The following KANSL1 variants were observed in gnomAD, a reference collection of about 807,000 sequenced individuals.
KANSL1 encodes MLL1/MLL complex subunit KANSL1.
Under a neutral mutation model 103.6 loss-of-function variants are expected in KANSL1, and 22 were observed. That is an observed-to-expected ratio of 0.21 (90% CI 0.15 to 0.30). KANSL1 has a LOEUF of 0.30. Ranked by LOEUF, KANSL1 falls within the 10% of genes least tolerant of loss-of-function variation. The pLI, the probability that KANSL1 is intolerant of heterozygous loss-of-function variation, is 1.00. For missense variants in KANSL1, 1,337 were observed against 1,399.8 expected (o/e 0.96, Z 0.72); for synonymous variants, 600 against 527.6 (o/e 1.14, Z -1.88).
At chr17:46,039,307 A>G (rs2077243896) in intron 8 of KANSL1, 92 bp from the exon 9 acceptor site, 17 of 1,189,842 alleles carry the variant, frequency 1.4e-5, no homozygotes, top group Non-Finnish European at 2.0e-5. Flanking sequence ...CTCTAGGCCA[A>G]CGCCGTATAC....
chr17:46,135,566 CAG>C (rs2044095056), intron 2 of KANSL1, among the ~76,000 whole-genome samples: 1 of 101,166 alleles, frequency 9.9e-6, no homozygotes, highest in Non-Finnish European at 2.4e-5. Flanking sequence ...TTTTTTGAGA[CAG>C]AGTCTCAACT....
chr17:46,149,331 A>G (rs2044941569), intron 2 of KANSL1, among the ~76,000 whole-genome samples: 1 of 152,204 alleles, frequency 6.6e-6, no homozygotes, highest in African/African-American at 2.4e-5. Flanking sequence ...GGCTATCACA[A>G]TTCTGGCCTT....
At chr17:46,218,475 G>T (rs1200676961) in intron 1 of KANSL1, among the ~76,000 whole-genome samples, 1 of 152,220 alleles carries the variant, frequency 6.6e-6, no homozygotes, top group African/African-American at 2.4e-5. Context: ...TGTATGAGGA[G>T]CTATTATTAA....
At chr17:46,063,075 C>T (rs1015468537) in intron 6 of KANSL1, among the ~76,000 whole-genome samples, 1 of 152,076 alleles carries the variant, frequency 6.6e-6, no homozygotes, top group African/African-American at 2.4e-5. Flanking sequence ...CAAAACAAAA[C>T]CTCAATGAGT....
intron 1 of KANSL1, among the ~76,000 whole-genome samples, chr17:46,205,767 A>G (rs1233896754): frequency 6.6e-6 from 1 of 151,796 alleles, no homozygotes; most frequent in Non-Finnish European, 1.5e-5. Flanking sequence ...ATTACAAAAG[A>G]AGTTACAGAA....
intron 3 of KANSL1, chr17:46,093,232 T>G (rs890670379): frequency 3.9e-5 from 6 of 152,346 alleles, no homozygotes; most frequent in African/African-American, 1.4e-4. Context: ...TCCTAGTTAT[T>G]CTTAGTCATC....
intron 1 of KANSL1, among the ~76,000 whole-genome samples, chr17:46,175,323 T>C (rs1326497921): frequency 4.8e-5 from 5 of 103,878 alleles, no homozygotes; most frequent in Non-Finnish European, 9.6e-5. Flanking sequence ...TGTGTGTGTG[T>C]GTGTGTGTGT....
At chr17:46,039,322 GGCA>G (rs1324958449) in intron 8 of KANSL1, 107 bp from the exon 9 acceptor site, 6 of 1,051,766 alleles carry the variant, frequency 5.7e-6, no homozygotes, top group Non-Finnish European at 8.0e-6. Context: ...GTATACCCAG[GGCA>G]GCAGGACAGT....
intron 2 of KANSL1, among the ~76,000 whole-genome samples, chr17:46,156,065 A>G (rs1188932046): frequency 6.6e-6 from 1 of 152,142 alleles, no homozygotes; most frequent in Non-Finnish European, 1.5e-5. Context: ...ATATGCAGAT[A>G]GGCGGGCACA....
At chr17:46,148,046 T>C (rs1353674968) in intron 2 of KANSL1, 6 of 152,234 alleles carry the variant, frequency 3.9e-5, no homozygotes, top group South Asian at 2.1e-4. Flanking sequence ...TCCTACTTCA[T>C]AGAAAAGTTA....
intron 7 of KANSL1, chr17:46,045,328 A>C (rs2077465295): frequency 6.6e-6 from 1 of 152,094 alleles, no homozygotes; most frequent in African/African-American, 2.4e-5. Context: ...GTCAAAGCAA[A>C]ATTATTCCAA....
chr17:46,206,083 C>CAAAA (rs71226716), intron 1 of KANSL1, among the ~76,000 whole-genome samples: 4 of 89,598 alleles, frequency 4.5e-5, no homozygotes, highest in Non-Finnish European at 6.1e-5. Context: ...CTGTGTCCCC[C>CAAAA]AAAAAAAAAA....
At chr17:46,208,164 C>T (rs1415188154) in intron 1 of KANSL1, among the ~76,000 whole-genome samples, 2 of 152,026 alleles carry the variant, frequency 1.3e-5, no homozygotes, top group African/African-American at 4.8e-5. Flanking sequence ...GATAAATACA[C>T]GAGATGCTAA....
intron 4 of KANSL1, among the ~76,000 whole-genome samples, chr17:46,071,450 G>C (rs1166528202): frequency 6.6e-6 from 1 of 152,126 alleles, no homozygotes; most frequent in African/African-American, 2.4e-5. Flanking sequence ...CAATCACAGT[G>C]TTCCATTTGG....
chr17:46,081,906 A>C (rs1273954243), intron 4 of KANSL1, among the ~76,000 whole-genome samples: 3 of 152,256 alleles, frequency 2.0e-5, no homozygotes, highest in African/African-American at 7.2e-5. Flanking sequence ...CTTGGAATTC[A>C]GAAAGAAAAT....
At chr17:46,170,083 A>C (rs2046202488) in intron 2 of KANSL1, among the ~76,000 whole-genome samples, 2 of 152,158 alleles carry the variant, frequency 1.3e-5, no homozygotes, top group Non-Finnish European at 2.9e-5. Context: ...CAGAGGCTTC[A>C]GTGAGCTGAG....
intron 1 of KANSL1, among the ~76,000 whole-genome samples, chr17:46,205,349 A>T (rs1261782659): frequency 6.6e-6 from 1 of 152,168 alleles, no homozygotes; most frequent in African/African-American, 2.4e-5. Flanking sequence ...AAAAGTTTTT[A>T]AAAATTCCAC....
intron 3 of KANSL1, 130 bp downstream of exon 3, chr17:46,094,430 G>T: frequency 1.8e-6 from 2 of 1,120,830 alleles, no homozygotes; most frequent in Non-Finnish European, 2.6e-6. Context: ...ACTATATCAG[G>T]TCATTAAACC....
At chr17:46,133,721 G>C (rs1047664367) in intron 2 of KANSL1, among the ~76,000 whole-genome samples, 1 of 152,160 alleles carries the variant, frequency 6.6e-6, no homozygotes, top group Non-Finnish European at 1.5e-5. Context: ...AACCTTTCAG[G>C]TAACTGAAAG....
Sources: gnomAD v4.1 joint callset for allele counts (sites outside exome capture counted in the v4.1 genomes callset) on GRCh38, gnomAD v4.1.1 for gene constraint, MANE v1.5 for transcripts, NCBI Gene and HGNC (gene_info 2026-07-23, HGNC 2026-07-21) for gene names.